Variants in TRIM33 observed in about 807,000 individuals in gnomAD.
TRIM33 encodes tripartite motif containing 33, also known as E3 ubiquitin-protein ligase TRIM33.
Under a neutral mutation model 125.4 loss-of-function variants are expected in TRIM33, and 20 were observed. That is an observed-to-expected ratio of 0.16 (90% CI 0.11 to 0.23). The LOEUF (loss-of-function observed/expected upper bound fraction) is 0.23, where lower values mean the gene tolerates loss of function less well. Ranked by LOEUF, TRIM33 falls within the 10% of genes least tolerant of loss-of-function variation. The probability of loss-of-function intolerance (pLI) is 1.00; values close to 1 mark genes in which losing one functional copy is unlikely to be tolerated. For missense variants in TRIM33, 920 were observed against 1,411.4 expected (o/e 0.65, Z 5.58); for synonymous variants, 564 against 513.9 (o/e 1.10, Z -1.32).
chr1:114,457,540 G>C (rs529371938), intron 4 of TRIM33, among the ~76,000 whole-genome samples: 1 of 152,184 alleles, frequency 6.6e-6, no homozygotes, highest in African/African-American at 2.4e-5. Flanking sequence ...GTGTCCAGAA[G>C]AGTTCCCTAT....
intron 11 of TRIM33, among the ~76,000 whole-genome samples, chr1:114,412,898 T>TA (rs1370171041): frequency 6.6e-6 from 1 of 152,248 alleles, no homozygotes; most frequent in Admixed American, 6.5e-5. Context: ...TTATGACAGA[T>TA]ACACGTTTAA....
At position 114,399,562 on chromosome 1, in the gene TRIM33, G is replaced by T; in HGVS notation, c.3015C>A (p.Thr1005=). 2 of 1,610,274 alleles carry T rather than the reference G, an allele frequency of 1.2e-6. No homozygotes were observed. The highest frequency in any genetic ancestry group is 4.5e-5 in the East Asian group (2 of 44,824). Residue 1005 remains threonine, a synonymous_variant, in exon 18 of 20, where the codon ACC becomes ACA. Transcript: ENST00000358465. ...KIIKKPMDLS[T]VKKKLQKKHS... ...GTTTTTTCTGAAGCTTCTTTTTCAC[G>T]GTGGATAAATCCATTGGTTTCTTTA... is the stretch of plus-strand genomic sequence containing the variant.
intron 1 of TRIM33, among the ~76,000 whole-genome samples, chr1:114,468,124 C>T (rs886197357): frequency 1.3e-5 from 2 of 152,186 alleles, no homozygotes; most frequent in African/African-American, 4.8e-5. Context: ...ATAACCATGC[C>T]TAAGTCTAGT....
intron 1 of TRIM33, among the ~76,000 whole-genome samples, chr1:114,466,886 C>T (rs988951162): frequency 2.4e-4 from 37 of 152,178 alleles, no homozygotes; most frequent in African/African-American, 8.4e-4. Context: ...CGTGAGCCAC[C>T]GCACCCCGCC....
intron 10 of TRIM33, 140 bp downstream of exon 10, chr1:114,424,451 A>G: frequency 1.5e-6 from 1 of 652,190 alleles, no homozygotes; most frequent in East Asian, 3.1e-5. Context: ...GTGTATGTTT[A>G]TTTTTCTGGG....
intron 16 of TRIM33, 24 bp from the exon 17 acceptor site, chr1:114,401,487 G>T: frequency 1.3e-6 from 2 of 1,591,732 alleles, no homozygotes; most frequent in South Asian, 1.1e-5. Context: ...GGAAAGGAAA[G>T]CACATGAAAT....
At chr1:114,457,890 T>C (rs1471931358) in intron 4 of TRIM33, among the ~76,000 whole-genome samples, 2 of 152,188 alleles carry the variant, frequency 1.3e-5, no homozygotes, top group Non-Finnish European at 2.9e-5. Context: ...GAAGTAATGG[T>C]GATCTTGTGG....
At chr1:114,451,129 TTCA>T (rs1649283960) in intron 4 of TRIM33, among the ~76,000 whole-genome samples, 1 of 152,114 alleles carries the variant, frequency 6.6e-6, no homozygotes, top group Non-Finnish European at 1.5e-5. Context: ...TCTCCCTGAT[TTCA>T]GCCTGGTACT....
chr1:114,464,692 A>G (rs1650183446), intron 1 of TRIM33, among the ~76,000 whole-genome samples: 1 of 152,256 alleles, frequency 6.6e-6, no homozygotes. Context: ...ATTAATTTAC[A>G]TGGTAAAAGG....
In TRIM33 at chr1:114,478,734, A is replaced by G. The variant is rs148200951; in HGVS notation, c.527-14346T>C. 6.8e-3 allele frequency among the ~76,000 whole-genome samples: 1,042 copies of G among 152,318 alleles called. 7 individuals are homozygous for G. The highest frequency in any genetic ancestry group is 0.015 in the African/African-American group (639 of 41,556). ...AAAGTACATGCAAAATAAAAAATTC[A>G]CTACATATCTGGGCTTCAATAATAC... On this transcript the variant is annotated intron_variant, in intron 1 of 19. Coordinates refer to ENST00000358465, the MANE Select transcript of TRIM33 (RefSeq NM_015906.4).
chr1:114,472,336 T>C (rs988200436), intron 1 of TRIM33, among the ~76,000 whole-genome samples: 2 of 152,198 alleles, frequency 1.3e-5, no homozygotes, highest in Non-Finnish European at 2.9e-5. Context: ...AACAATACTG[T>C]GATTCAAGCA....
chr1:114,433,561 G>C, intron 5 of TRIM33, 56 bp downstream of exon 5: 1 of 1,056,046 alleles, frequency 9.5e-7, no homozygotes, highest in Non-Finnish European at 1.4e-6. Flanking sequence ...GATTTAAACT[G>C]GACCCACTTC....
At chr1:114,455,565 A>G (rs908493771) in intron 4 of TRIM33, among the ~76,000 whole-genome samples, 2 of 152,194 alleles carry the variant, frequency 1.3e-5, no homozygotes, top group Non-Finnish European at 2.9e-5. Flanking sequence ...GAAAACAGGG[A>G]AATAGTAGAG....
chr1:114,510,965 G>C lies in TRIM33; in HGVS notation c.112C>G (p.Leu38Val). The change falls in exon 1 of 20, where the codon CTC (leucine) becomes GTC (valine). Residue 38 changes from leucine (L) to valine (V), a missense_variant. Leu to Val is a conservative substitution (Grantham distance 32). Transcript: ENST00000358465. ...TCCTCCTCCACCAGCACCGCGGTGA[G>C]AGGCGGCTCCGCCTCCTGCGCGGCG... ...GPAAQEAEPPLTAVLVEEEEE... is the reference protein window; with the variant it reads ...GPAAQEAEPPVTAVLVEEEEE... 1 of 1,380,052 alleles carries C rather than the reference G, an allele frequency of 7.2e-7. No homozygotes were observed. The highest frequency in any genetic ancestry group is 9.4e-7 in the Non-Finnish European group (1 of 1,067,096). 85.5% of individuals were successfully genotyped at this position (1,380,052 alleles called of 1,614,324 possible).
intron 11 of TRIM33, among the ~76,000 whole-genome samples, chr1:114,419,289 T>G (rs757087115): frequency 2.0e-5 from 3 of 151,690 alleles, no homozygotes; most frequent in Non-Finnish European, 2.9e-5. Flanking sequence ...AAGAGACTGA[T>G]TTGAGTAATA....
intron 1 of TRIM33, among the ~76,000 whole-genome samples, chr1:114,471,081 G>A (rs1650611088): frequency 6.6e-6 from 1 of 152,188 alleles, no homozygotes; most frequent in African/African-American, 2.4e-5. Context: ...CTACAGACAT[G>A]AGCCACTGCG....
chr1:114,443,518 T>C (rs1648789382), intron 4 of TRIM33, among the ~76,000 whole-genome samples: 1 of 152,188 alleles, frequency 6.6e-6, no homozygotes, highest in African/African-American at 2.4e-5. Flanking sequence ...ATTACAGGCG[T>C]GGGCCACTGC....
At chr1:114,449,901 A>G (rs997791831) in intron 4 of TRIM33, among the ~76,000 whole-genome samples, 6 of 152,076 alleles carry the variant, frequency 3.9e-5, no homozygotes, top group Non-Finnish European at 8.8e-5. Context: ...TCCTCATTCT[A>G]AATTATCTTA....
chr1:114,503,103 A>T (rs1438452359), intron 1 of TRIM33, among the ~76,000 whole-genome samples: 1 of 152,234 alleles, frequency 6.6e-6, no homozygotes. Flanking sequence ...ACAAAAACTT[A>T]AGAAGAATAT....
Sources: allele counts gnomAD v4.1 joint callset (sites outside exome capture counted in the v4.1 genomes callset), GRCh38; gene constraint gnomAD v4.1.1; transcripts MANE v1.5; gene names NCBI Gene and HGNC (gene_info 2026-07-23, HGNC 2026-07-21).